The following SNX24 variants were observed in gnomAD, a reference collection of about 807,000 sequenced individuals.
The protein encoded by SNX24 is sorting nexin-24.
Under a neutral mutation model 28.7 loss-of-function variants are expected in SNX24, and 22 were observed. The ratio of observed to expected loss-of-function variants is 0.77; its 90% CI spans 0.55 to 1.10. SNX24 has a LOEUF of 1.10. Among genes scored for constraint, SNX24 ranks in the 50% least tolerant of loss-of-function variants. The pLI is 0.00. For synonymous variants in SNX24, 69 were observed against 71.5 expected (o/e 0.96, Z 0.18); for missense variants, 221 against 201.1 (o/e 1.10, Z -0.60).
intron 1 of SNX24, among the ~76,000 whole-genome samples, chr5:122,923,556 T>C (rs1050629104): frequency 1.3e-5 from 2 of 152,158 alleles, no homozygotes; most frequent in Non-Finnish European, 2.9e-5. Flanking sequence ...TCTTTAATTG[T>C]AGTAGACTTT....
At chr5:122,976,326 T>C (rs1336740451) in intron 3 of SNX24, among the ~76,000 whole-genome samples, 11 of 151,242 alleles carry the variant, frequency 7.3e-5, no homozygotes, top group African/African-American at 2.7e-4. Flanking sequence ...AAAAAGATCT[T>C]ATCTTTTTAT....
intron 3 of SNX24, among the ~76,000 whole-genome samples, chr5:122,979,594 G>T (rs1412139945): frequency 3.3e-5 from 5 of 152,192 alleles, no homozygotes; most frequent in Non-Finnish European, 7.4e-5. Context: ...TGCTTTTAAA[G>T]AAAGAACATT....
At chr5:122,879,801 A>G (rs564911643) in intron 1 of SNX24, among the ~76,000 whole-genome samples, 60 of 152,324 alleles carry the variant, frequency 3.9e-4, no homozygotes, top group African/African-American at 1.4e-3. Flanking sequence ...GATTACAGGC[A>G]TGAAGCCACC....
intron 5 of SNX24, among the ~76,000 whole-genome samples, chr5:123,019,138 G>A (rs1762727877): frequency 6.6e-6 from 1 of 151,986 alleles, no homozygotes; most frequent in Admixed American, 6.5e-5. Context: ...GCAAACCTTG[G>A]AGGCACTTAT....
chr5:122,864,748 G>A (rs925310121), intron 1 of SNX24, among the ~76,000 whole-genome samples: 8 of 152,226 alleles, frequency 5.3e-5, no homozygotes, highest in Non-Finnish European at 8.8e-5. Context: ...AATATCTTAA[G>A]CACTGATCTT....
chr5:122,963,028 G>GT (rs2150140108), intron 3 of SNX24, among the ~76,000 whole-genome samples: 1 of 152,222 alleles, frequency 6.6e-6, no homozygotes, highest in South Asian at 2.1e-4. Context: ...GAAGTCAGGA[G>GT]TTTGAGATCA....
intron 1 of SNX24, among the ~76,000 whole-genome samples, chr5:122,920,617 G>GA (rs1297753995): frequency 1.3e-5 from 2 of 152,148 alleles, no homozygotes; most frequent in African/African-American, 4.8e-5. Flanking sequence ...TAAGACTCTA[G>GA]AAAACAATCT....
chr5:123,024,601 T>G (rs1279423378), intron 5 of SNX24, among the ~76,000 whole-genome samples: 1 of 152,212 alleles, frequency 6.6e-6, no homozygotes, highest in Non-Finnish European at 1.5e-5. Context: ...GTACAGTATT[T>G]CACACTGAAG....
chr5:122,875,387 C>T (rs926465049), intron 1 of SNX24, among the ~76,000 whole-genome samples: 1 of 152,082 alleles, frequency 6.6e-6, no homozygotes, highest in African/African-American at 2.4e-5. Flanking sequence ...TATGGATAGC[C>T]CATACAAATA....
At chr5:122,950,155 G>A (rs1238799785) in intron 3 of SNX24, among the ~76,000 whole-genome samples, 1 of 152,106 alleles carries the variant, frequency 6.6e-6, no homozygotes, top group South Asian at 2.1e-4. Context: ...AAATCAGTTG[G>A]TTTTCATCTC....
At chr5:122,972,907 T>C (rs1053341121) in intron 3 of SNX24, among the ~76,000 whole-genome samples, 3 of 152,168 alleles carry the variant, frequency 2.0e-5, no homozygotes, top group Non-Finnish European at 4.4e-5. Flanking sequence ...TGGCCATAGC[T>C]AGGTCGGCCT....
chr5:122,956,079 G>A (rs1420284242), intron 3 of SNX24, among the ~76,000 whole-genome samples: 1 of 151,500 alleles, frequency 6.6e-6, no homozygotes, highest in African/African-American at 2.4e-5. Context: ...CTCTATCTCT[G>A]GGCATTTCCT....
At chr5:122,861,554 AT>A (rs1022008367) in intron 1 of SNX24, among the ~76,000 whole-genome samples, 10 of 149,814 alleles carry the variant, frequency 6.7e-5, no homozygotes, top group East Asian at 2.0e-4. Flanking sequence ...CTCTCAGAGG[AT>A]TTTTTTTTTA....
chr5:122,984,346 C>T (rs1256944152), intron 3 of SNX24, among the ~76,000 whole-genome samples: 1 of 151,980 alleles, frequency 6.6e-6, no homozygotes, highest in East Asian at 1.9e-4. Flanking sequence ...CAGATTGATC[C>T]TTCTTTTTTC....
In SNX24 at chr5:122,947,448, C is replaced by CT. The variant is rs3836759; in HGVS notation, c.249+1290dup. On this transcript the variant is annotated intron_variant, in intron 3 of 6. Coordinates refer to ENST00000261369, the MANE Select transcript of SNX24 (RefSeq NM_014035.4). Reference sequence around the variant, plus strand: ...TAGTTTTCCTGGTCTTTACAGTGCTCTAATAGGAAAGCTGACATGCAGAAG... The same window carrying CT: ...TAGTTTTCCTGGTCTTTACAGTGCTCTTAATAGGAAAGCTGACATGCAGAAG... Among the ~76,000 whole-genome samples the CT allele has an allele frequency of 1.7e-3, 252 of 152,230 alleles. 2 individuals are homozygous for CT. In the East Asian group the frequency reaches 0.047, roughly 29 times the overall value.
At chr5:122,996,904 A>C (rs1762069922) in intron 3 of SNX24, among the ~76,000 whole-genome samples, 2 of 152,192 alleles carry the variant, frequency 1.3e-5, no homozygotes, top group Non-Finnish European at 2.9e-5. Flanking sequence ...ATTTAAACCC[A>C]ACTGACATTT....
At chr5:122,950,459 T>A (rs1759890646) in intron 3 of SNX24, among the ~76,000 whole-genome samples, 2 of 152,140 alleles carry the variant, frequency 1.3e-5, no homozygotes, top group East Asian at 3.9e-4. Flanking sequence ...TCTCTGTCGC[T>A]CCTCTCTGCT....
chr5:122,897,408 T>C (rs1365188682), intron 1 of SNX24, among the ~76,000 whole-genome samples: 1 of 152,196 alleles, frequency 6.6e-6, no homozygotes, highest in African/African-American at 2.4e-5. Context: ...TGAGCCCTTA[T>C]GTATATATGA....
intron 3 of SNX24, among the ~76,000 whole-genome samples, chr5:122,981,038 C>G (rs183394460): frequency 6.6e-5 from 10 of 152,160 alleles, no homozygotes; most frequent in African/African-American, 2.2e-4. Flanking sequence ...ACTTCTAAAC[C>G]AAGCTCCCAG....
Sources: allele counts gnomAD v4.1 joint callset (sites outside exome capture counted in the v4.1 genomes callset), GRCh38; gene constraint gnomAD v4.1.1; transcripts MANE v1.5; gene names NCBI Gene and HGNC (gene_info 2026-07-23, HGNC 2026-07-21).